SLC39A5: variants seen among roughly 807,000 people sequenced by gnomAD.
The protein encoded by SLC39A5 is solute carrier family 39 member 5.
Under a neutral mutation model 46.9 loss-of-function variants are expected in SLC39A5, and 42 were observed. The observed-to-expected ratio is 0.90, with a 90% CI of 0.70 to 1.16. The LOEUF (loss-of-function observed/expected upper bound fraction) is 1.16. Among genes scored for constraint, SLC39A5 ranks in the 50% most tolerant of loss-of-function variants. The probability of loss-of-function intolerance (pLI) is 0.00; values close to 1 mark genes in which losing one functional copy is unlikely to be tolerated. For synonymous variants in SLC39A5, 311 were observed against 323.1 expected (o/e 0.96, Z 0.40); for missense variants, 677 against 686.8 (o/e 0.99, Z 0.16).
intron 4 of SLC39A5, among the ~76,000 whole-genome samples, chr12:56,231,794 C>T (rs1019691333): frequency 1.3e-5 from 2 of 152,176 alleles, no homozygotes; most frequent in Non-Finnish European, 1.5e-5. Flanking sequence ...GACACATTCA[C>T]GGCTCACTGC....
rs201722260 is a variant in SLC39A5 at position 56,234,869 on chromosome 12, G to A, written c.517G>A (p.Ala173Thr). 3.4e-4 allele frequency: 542 copies of A among 1,613,658 alleles called. 5 individuals are homozygous for A. In the Admixed American group the frequency reaches 6.1e-3, roughly 18 times the overall value. Residue 173 changes from alanine (A) to threonine (T), a missense_variant, in exon 6 of 13, where the codon GCT (alanine) becomes ACT (threonine). Physicochemically the swap from Ala to Thr is moderately conservative, Grantham distance 58. Coordinates refer to ENST00000454355, the MANE Select transcript of SLC39A5 (RefSeq NM_173596.3). ...GCTGGTCAATTTTGGCTTGAGCCCC[G>A]CTGCTCCTCTGACCCCTCGTCAGTT... ...QLLVNFGLSP[A>T]APLTPRQFAL...
At chr12:56,237,092 G>A in intron 11 of SLC39A5, 58 bp from the exon 12 acceptor site, 1 of 1,611,384 alleles carries the variant, frequency 6.2e-7, no homozygotes. Context: ...CTGGTGGGTG[G>A]CATGGATGAG....
At chr12:56,235,431 C>T (rs1040100641) in intron 7 of SLC39A5, 105 bp downstream of exon 7, 71 of 1,508,580 alleles carry the variant, frequency 4.7e-5, no homozygotes, top group Non-Finnish European at 6.2e-5. Flanking sequence ...ATCCTACTCC[C>T]AGATCCTGGC....
intron 5 of SLC39A5, among the ~76,000 whole-genome samples, 192 bp downstream of exon 5, chr12:56,233,064 C>T (rs1260612420): frequency 2.0e-5 from 3 of 152,020 alleles, no homozygotes; most frequent in South Asian, 2.1e-4. Flanking sequence ...GAGTTCGAGA[C>T]CAGCCTGGCC....
In SLC39A5 at chr12:56,235,615, C is replaced by A; in HGVS notation, c.860C>A (p.Pro287Gln). 6.2e-7 allele frequency: 1 copy of A among 1,614,068 alleles called. No homozygotes were observed. Among genetic ancestry groups the A allele is most frequent in the Non-Finnish European group, 8.5e-7 (1 of 1,179,996 alleles). The stretch of plus-strand genomic sequence containing the variant: ...GGACTACCAGAGAAGGACCTGGGCC[C>A]GGGGCTGTCAGTGCTCGGAGGCCTC... Reference protein sequence around the residue: ...PGGLPEKDLGPGLSVLGGLFL... With the variant: ...PGGLPEKDLGQGLSVLGGLFL... The change falls in exon 8 of 13, where the codon CCG becomes CAG. Residue 287 changes from proline to glutamine, a missense_variant. Physicochemically the swap from Pro to Gln is moderately conservative, Grantham distance 76. Transcript: ENST00000454355.
In SLC39A5 at chr12:56,235,291, CTT is replaced by C. The variant is rs778369179; in HGVS notation, c.771_772del (p.Cys258TrpfsTer124). 1.6e-5 allele frequency: 24 copies of C among 1,545,632 alleles called. No individual in the cohort carries two copies. In the South Asian group the frequency reaches 2.0e-4, roughly 13 times the overall value. On this transcript the variant is annotated frameshift_variant, in exon 7 of 13. Coordinates refer to ENST00000454355, the MANE Select transcript of SLC39A5 (RefSeq NM_173596.3). LOFTEE classifies it high-confidence loss of function. ...CCTGGGGGCCCTGGCGGTGGGCACT[CTT>C]TGTGGGGATGCACTGCTACATCTGC... ...GFLGALAVGT[L>X]CGDALLHLLP...
chr12:56,230,997 T>G, intron 3 of SLC39A5, 124 bp downstream of exon 3: 1 of 441,946 alleles, frequency 2.3e-6, no homozygotes, highest in Admixed American at 4.0e-5. Flanking sequence ...CTGGATGAAG[T>G]ATGAGGAGAG....
chr12:56,234,363 G>A (rs575027378), intron 5 of SLC39A5, among the ~76,000 whole-genome samples: 1 of 149,170 alleles, frequency 6.7e-6, no homozygotes, highest in Admixed American at 6.7e-5. Flanking sequence ...CGCCCAGGCT[G>A]GAGTGCACTG....
rs1288041363 is a variant in SLC39A5 at position 56,237,147 on chromosome 12, T to C, written c.1289-3T>C. On this transcript the variant is annotated splice_region_variant and splice_polypyrimidine_tract_variant and intron_variant, in intron 11 of 12. Transcript: ENST00000454355. Reference sequence around the variant, plus strand: ...CTCCCATCCTGTCCTCTGTCTCCAATAGGTGACTTTGCCATGCTGCTCCAG... The same window carrying C: ...CTCCCATCCTGTCCTCTGTCTCCAACAGGTGACTTTGCCATGCTGCTCCAG... 1.2e-6 allele frequency: 2 copies of C among 1,613,640 alleles called. No individual in the cohort carries two copies. Among genetic ancestry groups the C allele is most frequent in the African/African-American group, 1.3e-5 (1 of 74,900 alleles).
In SLC39A5 at chr12:56,237,663, G is replaced by C. The variant is rs760089709; in HGVS notation, c.1555G>C (p.Gly519Arg). ...VLLQGLGLLL[G>R]GGLMLAITLL... is the part of the protein sequence containing the mutation. ...CCTGCAGGGGCTGGGGCTGCTGCTG[G>C]GGGGCGGCCTCATGCTTGCCATAAC... The change falls in exon 13 of 13, where the codon GGG becomes CGG. Residue 519 changes from glycine (G) to arginine (R), a missense_variant. Coordinates refer to ENST00000454355, the MANE Select transcript of SLC39A5 (RefSeq NM_173596.3). The C allele has an allele frequency of 1.4e-5, 23 of 1,609,542 alleles. No individual in the cohort carries two copies. Among genetic ancestry groups the C allele is most frequent in the Non-Finnish European group, 2.0e-5 (23 of 1,178,162 alleles).
Position 56,237,278 on chromosome 12 carries a change from C to G in SLC39A5, c.1417C>G (p.Leu473Val). 1 of 1,613,460 alleles carries G rather than the reference C, an allele frequency of 6.2e-7. No homozygotes were observed. The highest frequency in any genetic ancestry group is 8.5e-7 in the Non-Finnish European group (1 of 1,179,710). The change falls in exon 12 of 13, where the codon CTC becomes GTC. Residue 473 changes from leucine to valine, a missense_variant. Leu to Val is a conservative substitution (Grantham distance 32). Coordinates refer to ENST00000454355, the MANE Select transcript of SLC39A5 (RefSeq NM_173596.3). ...GGGGCTCAGCCTGGGCCCTGTCCCC[C>G]TCACTCCCTGGGTGTTTGGGGTCAC... ...GVGLSLGPVP[L>V]TPWVFGVTAG... is the part of the protein sequence containing the mutation.
Position 56,237,226 on chromosome 12 carries a change from G to C in SLC39A5, c.1365G>C (p.Leu455=). 1 of 1,613,922 alleles carries C rather than the reference G, an allele frequency of 6.2e-7. No homozygotes were observed. ...LLLLSLVSGA[L]GLGGAVLGVG... ...TGCTGAGCCTCGTGTCTGGAGCCCT[G>C]GGATTGGGGGGTGCAGTCCTGGGGG... is the stretch of plus-strand genomic sequence containing the variant. Residue 455 remains leucine, a synonymous_variant, in exon 12 of 13, where the codon CTG becomes CTC. Transcript: ENST00000454355.
Position 56,236,419 on chromosome 12 carries a change from G to T in SLC39A5, c.969G>T (p.Arg323Ser). 1 of 1,614,242 alleles carries T rather than the reference G, an allele frequency of 6.2e-7. No homozygotes were observed. Among genetic ancestry groups the T allele is most frequent in the South Asian group, 1.1e-5 (1 of 91,090 alleles). The change falls in exon 9 of 13, where the codon AGG becomes AGT. Residue 323 changes from arginine to serine, a missense_variant. Transcript: ENST00000454355. ...AGAGATGCTGCAGGCGAAAACGAAG[G>T]AATCTCGAAACACGCAACTTGGATC... ...LRPRCCRRKR[R>S]NLETRNLDPE...
Position 56,231,221 on chromosome 12 carries a change from G to C in SLC39A5, c.-54G>C. 1 of 1,525,298 alleles carries C rather than the reference G, an allele frequency of 6.6e-7. No individual in the cohort carries two copies. Among genetic ancestry groups the C allele is most frequent in the South Asian group, 1.3e-5 (1 of 78,612 alleles). 94.5% of individuals were successfully genotyped at this position (1,525,298 alleles called of 1,614,324 possible). ...TCTTCCAGGGCACAGTCCTCAGGAT[G>C]TTTCGGGGAGAATAGGAGCCAGAAC... is the stretch of plus-strand genomic sequence containing the variant. On this transcript the variant is annotated 5_prime_UTR_variant, in exon 4 of 13. An upstream start codon of the reference 5' UTR is lost. Coordinates refer to ENST00000454355, the MANE Select transcript of SLC39A5 (RefSeq NM_173596.3).
intron 12 of SLC39A5, 118 bp downstream of exon 12, chr12:56,237,458 C>T: frequency 2.6e-6 from 4 of 1,535,642 alleles, no homozygotes; most frequent in South Asian, 2.5e-5. Context: ...AGACCATAGG[C>T]CCGCAAAAGT....
chr12:56,231,175 C>T lies in SLC39A5; in HGVS notation c.-71-29C>T, dbSNP rs149527238. ...TGGACCTGAGCTGGAGAGCAGAGCGCAGCTCCAGCCCATTCCTCATTCTTC... is the reference window on the plus strand; with the variant it reads ...TGGACCTGAGCTGGAGAGCAGAGCGTAGCTCCAGCCCATTCCTCATTCTTC... On this transcript the variant is annotated intron_variant, in intron 3 of 12. Coordinates refer to ENST00000454355, the MANE Select transcript of SLC39A5 (RefSeq NM_173596.3). 390 of 1,339,042 alleles carry T rather than the reference C, an allele frequency of 2.9e-4. 3 individuals are homozygous for T. The East Asian group carries it at 7.7e-3, about 26-fold the overall frequency. 82.9% of individuals were successfully genotyped at this position (1,339,042 alleles called of 1,614,324 possible). A position where few individuals can be genotyped will look rare whatever the true frequency, so the allele number is the denominator to read the frequency against.
At position 56,237,640 on chromosome 12, in the gene SLC39A5, T is replaced by C. The variant is rs1177614403; in HGVS notation, c.1532T>C (p.Leu511Pro). Residue 511 changes from leucine to proline, a missense_variant, in exon 13 of 13, where the codon CTG (leucine) becomes CCG (proline). Leu to Pro is a moderately conservative substitution (Grantham distance 98, BLOSUM62 -3). Transcript: ENST00000454355. ...PEPLPTPHVLLQGLGLLLGGG... is the reference protein window; with the variant it reads ...PEPLPTPHVLPQGLGLLLGGG... Reference sequence around the variant, plus strand: ...CCCCTGCCTACGCCCCATGTGCTCCTGCAGGGGCTGGGGCTGCTGCTGGGG... The same window carrying C: ...CCCCTGCCTACGCCCCATGTGCTCCCGCAGGGGCTGGGGCTGCTGCTGGGG... 6.2e-7 allele frequency: 1 copy of C among 1,612,868 alleles called. No homozygotes were observed. Among genetic ancestry groups the C allele is most frequent in the South Asian group, 1.1e-5 (1 of 90,970 alleles).
At position 56,237,004 on chromosome 12, in the gene SLC39A5, C is replaced by T. The variant is rs143449387; in HGVS notation, c.1281C>T (p.His427=). Residue 427 remains histidine (H), a synonymous_variant, in exon 11 of 13, where the codon CAC becomes CAT. Transcript: ENST00000454355. ...CGGTCTTCTGCCATGAGCTGCCCCA[C>T]GAACTGGGTAGGAATGGCAGGAGCA... is the stretch of plus-strand genomic sequence containing the variant. ...TLAVFCHELP[H]ELGDFAMLLQ... 2.4e-4 allele frequency: 394 copies of T among 1,614,066 alleles called. 1 individual carries two copies. The highest frequency in any genetic ancestry group is 1.4e-3 in the African/African-American group (104 of 75,038).
chr12:56,232,331 A>G (rs1399534268), intron 4 of SLC39A5, among the ~76,000 whole-genome samples: 4 of 151,532 alleles, frequency 2.6e-5, no homozygotes, highest in African/African-American at 9.7e-5. Flanking sequence ...ACGCCGGGCT[A>G]ATTTTTGCAA....
Sources: gnomAD v4.1 joint callset for allele counts (sites outside exome capture counted in the v4.1 genomes callset) on GRCh38, gnomAD v4.1.1 for gene constraint, MANE v1.5 for transcripts, NCBI Gene and HGNC (gene_info 2026-07-23, HGNC 2026-07-21) for gene names.